The following UTP11 variants were observed in gnomAD, a reference collection of about 807,000 sequenced individuals.
The protein encoded by UTP11 is UTP11 small subunit processome component, also known as probable U3 small nucleolar RNA-associated protein 11.
Under a neutral mutation model 39.0 loss-of-function variants are expected in UTP11, and 29 were observed. That is an observed-to-expected ratio of 0.74 (90% confidence interval 0.55 to 1.01). The LOEUF is 1.01. UTP11 is among the 50% of genes least tolerant of loss of function. UTP11 has a pLI of 0.00. For synonymous variants in UTP11, 111 were observed against 105.0 expected (o/e 1.06, Z -0.35); for missense variants, 281 against 306.0 (o/e 0.92, Z 0.61).
chr1:38,012,971 A>G, intron 1 of UTP11, 106 bp downstream of exon 1: 1 of 1,288,388 alleles, frequency 7.8e-7, no homozygotes, highest in Non-Finnish European at 1.1e-6. Context: ...TATAGTATAT[A>G]AATGCACGTA....
chr1:38,012,865 G>A lies in UTP11; in HGVS notation c.63G>A (p.Gln21=), dbSNP rs779673304. ...SRQREHRERS[Q]PGFRKHLGLL... is the part of the protein sequence containing the mutation. ...AGCGGGAACACAGAGAGCGAAGCCA[G>A]GTAGGACCATACAGGCCCCACAAGT... Residue 21 remains glutamine (Q), a splice_region_variant and synonymous_variant, in exon 1 of 8, where the codon CAG becomes CAA. Transcript: ENST00000373014. The A allele has an allele frequency of 2.5e-6, 4 of 1,614,214 alleles. No homozygotes were observed. In the South Asian group the frequency reaches 4.4e-5, roughly 18 times the overall value.
chr1:38,022,823 G>C lies in UTP11; in HGVS notation c.678+14G>C. On this transcript the variant is annotated intron_variant, in intron 7 of 7. Transcript: ENST00000373014. Reference sequence around the variant, plus strand: ...AAAGATCTTATGGTGAGGAGAGAGAGCCTTAGGCCTCTTTTTTTTTTTTTC... The same window carrying C: ...AAAGATCTTATGGTGAGGAGAGAGACCCTTAGGCCTCTTTTTTTTTTTTTC... 1.3e-3 allele frequency: 1,825 copies of C among 1,405,170 alleles called. No individual in the cohort carries two copies. The highest frequency in any genetic ancestry group is 1.6e-3 in the Non-Finnish European group (1,662 of 1,011,474). The allele number at this position is 1,405,170 out of a possible 1,614,324, so 87.0% of individuals were successfully genotyped here.
At position 38,017,766 on chromosome 1, in the gene UTP11, T is replaced by C. The variant is rs199546649; in HGVS notation, c.224T>C (p.Leu75Pro). The change falls in exon 3 of 8, where the codon CTC becomes CCC. Residue 75 changes from leucine (L) to proline (P), a missense_variant. Leu to Pro is a moderately conservative substitution (Grantham distance 98, BLOSUM62 -3). Coordinates refer to ENST00000373014, the MANE Select transcript of UTP11 (RefSeq NM_016037.4). Reference protein sequence around the residue: ...EFYYKMTRVKLQDGVHIIKET... With the variant: ...EFYYKMTRVKPQDGVHIIKET... ...TACTACAAAATGACTCGGGTTAAACTCCAGGTGGGTGCCCAATGGCTTGGT... is the reference window on the plus strand; with the variant it reads ...TACTACAAAATGACTCGGGTTAAACCCCAGGTGGGTGCCCAATGGCTTGGT... 1 of 1,608,024 alleles carries C rather than the reference T, an allele frequency of 6.2e-7. No individual in the cohort carries two copies. The highest frequency in any genetic ancestry group is 8.5e-7 in the Non-Finnish European group (1 of 1,178,066).
Position 38,014,800 on chromosome 1 carries a change from T to C in UTP11, c.64-1559T>C, listed in dbSNP as rs186335654. On this transcript the variant is annotated intron_variant, in intron 1 of 7. Coordinates refer to ENST00000373014, the MANE Select transcript of UTP11 (RefSeq NM_016037.4). ...ACAGGCGTGTACTGTGACACCCAGC[T>C]AATTTTATTTTATTTTTTTAATTTG... 5.7e-3 allele frequency among the ~76,000 whole-genome samples: 861 copies of C among 152,246 alleles called. 9 individuals are homozygous for C. The highest frequency in any genetic ancestry group is 7.9e-3 in the Non-Finnish European group (537 of 68,030).
Position 38,022,814 on chromosome 1 carries a change from GGA to G in UTP11, c.678+13_678+14del, listed in dbSNP as rs1557771229. 1.2e-6 allele frequency: 2 copies of G among 1,604,130 alleles called. No homozygotes were observed. The highest frequency in any genetic ancestry group is 1.7e-6 in the Non-Finnish European group (2 of 1,172,980). ...CAAACACGCAAAGATCTTATGGTGA[GGA>G]GAGAGAGCCTTAGGCCTCTTTTTTT... On this transcript the variant is annotated splice_donor_region_variant and intron_variant, in intron 7 of 7. Transcript: ENST00000373014.
rs1437648062 is a variant in UTP11 at position 38,024,426 on chromosome 1, C to T, written c.*798C>T. On this transcript the variant is annotated 3_prime_UTR_variant, in exon 8 of 8. Coordinates refer to ENST00000373014, the MANE Select transcript of UTP11 (RefSeq NM_016037.4). Reference sequence around the variant, plus strand: ...TTTTTTTTTTTTTGAGACGGAGTCTCGCTCTGTCGCCCAGGCCGGACTGCG... The same window carrying T: ...TTTTTTTTTTTTTGAGACGGAGTCTTGCTCTGTCGCCCAGGCCGGACTGCG... 1.5e-5 allele frequency: 2 copies of T among 129,722 alleles called. No individual in the cohort carries two copies. The highest frequency in any genetic ancestry group is 3.1e-5 in the Non-Finnish European group (2 of 64,192). 8.0% of individuals were successfully genotyped at this position (129,722 alleles called of 1,614,324 possible). A position where few individuals can be genotyped will look rare whatever the true frequency, so the allele number is the denominator to read the frequency against.
Position 38,023,437 on chromosome 1 carries a change from T to C in UTP11, c.679-108T>C, listed in dbSNP as rs921174490. 11 of 957,046 alleles carry C rather than the reference T, an allele frequency of 1.1e-5. No homozygotes were observed. The Admixed American group carries it at 2.7e-4, about 23-fold the overall frequency. The allele number at this position is 957,046 out of a possible 1,614,324, so 59.3% of individuals were successfully genotyped here. A position where few individuals can be genotyped will look rare whatever the true frequency, so the allele number is the denominator to read the frequency against. Reference sequence around the variant, plus strand: ...TTGGGCAGTAGGGCTGTGTCCGTTCTCAACTTTGAGAAGGGCTGAAGCAGG... The same window carrying C: ...TTGGGCAGTAGGGCTGTGTCCGTTCCCAACTTTGAGAAGGGCTGAAGCAGG... On this transcript the variant is annotated intron_variant, in intron 7 of 7. Coordinates refer to ENST00000373014, the MANE Select transcript of UTP11 (RefSeq NM_016037.4).
chr1:38,020,819 GAA>G (rs1451714427), intron 6 of UTP11, among the ~76,000 whole-genome samples: 1 of 152,188 alleles, frequency 6.6e-6, no homozygotes, highest in Non-Finnish European at 1.5e-5. Context: ...GTGAATTGTT[GAA>G]GTCTAAGGCC....
rs751138305 is a variant in UTP11 at position 38,022,695 on chromosome 1, C to T, written c.568-4C>T. 3 of 1,600,208 alleles carry T rather than the reference C, an allele frequency of 1.9e-6. No homozygotes were observed. The highest frequency in any genetic ancestry group is 3.3e-5 in the Admixed American group (2 of 59,870). On this transcript the variant is annotated splice_region_variant and splice_polypyrimidine_tract_variant and intron_variant, in intron 6 of 7. Coordinates refer to ENST00000373014, the MANE Select transcript of UTP11 (RefSeq NM_016037.4). ...CACTGAGAATGTGTGTGTTTCTTCT[C>T]CAGCGAATAGCTAAAGAAAGGCAAA...
rs1483044236 is a variant in UTP11, at chr1:38,018,563, G to T, written c.328G>T (p.Val110Phe). The change falls in exon 4 of 8, where the codon GTT becomes TTT. Residue 110 changes from valine (V) to phenylalanine (F), a missense_variant. Transcript: ENST00000373014. ...QDVKYIEMKR[V>F]AEAKKIERLK... Reference sequence around the variant, plus strand: ...CGTCAAATATATAGAAATGAAGAGGGTTGCAGAAGCTAAGGTAATTCACTC... The same window carrying T: ...CGTCAAATATATAGAAATGAAGAGGTTTGCAGAAGCTAAGGTAATTCACTC... The T allele has an allele frequency of 3.2e-6, 5 of 1,587,148 alleles. No homozygotes were observed. The highest frequency in any genetic ancestry group is 4.3e-6 in the Non-Finnish European group (5 of 1,158,186).
At position 38,022,694 on chromosome 1, in the gene UTP11, T is replaced by A; in HGVS notation, c.568-5T>A. ...TCACTGAGAATGTGTGTGTTTCTTCTCCAGCGAATAGCTAAAGAAAGGCAA... is the reference window on the plus strand; with the variant it reads ...TCACTGAGAATGTGTGTGTTTCTTCACCAGCGAATAGCTAAAGAAAGGCAA... On this transcript the variant is annotated splice_region_variant and splice_polypyrimidine_tract_variant and intron_variant, in intron 6 of 7. Transcript: ENST00000373014. 6.2e-7 allele frequency: 1 copy of A among 1,602,904 alleles called. No individual in the cohort carries two copies. The highest frequency in any genetic ancestry group is 1.3e-5 in the African/African-American group (1 of 74,840).
rs1348828419 is a variant in UTP11 at position 38,023,651 on chromosome 1, A to G, written c.*23A>G. On this transcript the variant is annotated 3_prime_UTR_variant, in exon 8 of 8. Transcript: ENST00000373014. ...TGACGTGTTATAGATAAGCCTTGTC[A>G]TTCTGTATCAAAAATCTGTTGTCGT... is the stretch of plus-strand genomic sequence containing the variant. 1.3e-6 allele frequency: 2 copies of G among 1,583,938 alleles called. No homozygotes were observed.
intron 1 of UTP11, 78 bp downstream of exon 1, chr1:38,012,943 G>C: frequency 1.3e-6 from 2 of 1,580,960 alleles, no homozygotes; most frequent in East Asian, 4.5e-5. Context: ...CGCCACCGTG[G>C]GATCCGGGTC....
At chr1:38,022,876 A>G in intron 7 of UTP11, 67 bp downstream of exon 7, 1 of 1,099,310 alleles carries the variant, frequency 9.1e-7, no homozygotes, top group Non-Finnish European at 1.3e-6. Flanking sequence ...AAAGGTCTTA[A>G]CTCAGACTAG....
intron 2 of UTP11, 40 bp downstream of exon 2, chr1:38,016,460 C>A (rs1460330556): frequency 6.2e-7 from 1 of 1,605,508 alleles, no homozygotes; most frequent in Non-Finnish European, 8.5e-7. Flanking sequence ...GCCAAGAAAG[C>A]TTACAACCTC....
chr1:38,012,904 G>T (rs1337297801), intron 1 of UTP11, 39 bp downstream of exon 1: 5 of 1,613,444 alleles, frequency 3.1e-6, no homozygotes, highest in Non-Finnish European at 4.2e-6. Flanking sequence ...GGCCTTTGTC[G>T]CCATGTGTTA....
At chr1:38,014,866 A>G (rs998915878) in intron 1 of UTP11, among the ~76,000 whole-genome samples, 1 of 152,012 alleles carries the variant, frequency 6.6e-6, no homozygotes, top group African/African-American at 2.4e-5. Context: ...CTGGTCTCGA[A>G]CTCCTGGGCT....
At chr1:38,013,120 G>A (rs1305726126) in intron 1 of UTP11, among the ~76,000 whole-genome samples, 1 of 152,226 alleles carries the variant, frequency 6.6e-6, no homozygotes, top group Non-Finnish European at 1.5e-5. Context: ...GAAGATTTCA[G>A]TGTGGTGATT....
At chr1:38,019,531 T>C in intron 6 of UTP11, 148 bp downstream of exon 6, 1 of 703,606 alleles carries the variant, frequency 1.4e-6, no homozygotes, top group Non-Finnish European at 1.9e-6. Flanking sequence ...TCTCCCAGGC[T>C]GGAGTGCAGT....
Sources: gnomAD v4.1 joint callset for allele counts (sites outside exome capture counted in the v4.1 genomes callset) on GRCh38, gnomAD v4.1.1 for gene constraint, MANE v1.5 for transcripts, NCBI Gene and HGNC (gene_info 2026-07-23, HGNC 2026-07-21) for gene names.